The following RNF170 variants were observed in gnomAD, a reference collection of about 807,000 sequenced individuals.
RNF170 encodes the protein ring finger protein 170.
A neutral mutation model predicts 32.7 loss-of-function variants in RNF170; 12 were observed. That is an observed-to-expected ratio of 0.37 (90% CI 0.24 to 0.60). The LOEUF (loss-of-function observed/expected upper bound fraction) is 0.60. Ranked by LOEUF, RNF170 falls within the 20% of genes least tolerant of loss-of-function variation. The pLI is 0.72. For synonymous variants in RNF170, 91 were observed against 103.6 expected (o/e 0.88, Z 0.74); for missense variants, 212 against 311.2 (o/e 0.68, Z 2.40).
chr8:42,878,006 C>G (rs866154821), intron 2 of RNF170, among the ~76,000 whole-genome samples: 8 of 152,154 alleles, frequency 5.3e-5, no homozygotes, highest in Non-Finnish European at 4.4e-5. Flanking sequence ...CATGCACTTG[C>G]TTCATGTTTC....
intron 4 of RNF170, 110 bp downstream of exon 4, chr8:42,869,894 C>T: frequency 1.3e-6 from 1 of 766,218 alleles, no homozygotes; most frequent in Non-Finnish European, 2.3e-6. Flanking sequence ...ATCTACCCTA[C>T]TCACAAAATA....
chr8:42,863,220 A>G (rs1803789913), intron 5 of RNF170, among the ~76,000 whole-genome samples: 1 of 152,126 alleles, frequency 6.6e-6, no homozygotes, highest in Non-Finnish European at 1.5e-5. Flanking sequence ...CTATTATATT[A>G]AGACAACTTT....
At chr8:42,890,520 A>G (rs2128955875) in intron 1 of RNF170, among the ~76,000 whole-genome samples, 1 of 152,092 alleles carries the variant, frequency 6.6e-6, no homozygotes, top group East Asian at 1.9e-4. Flanking sequence ...CTCGTGATAC[A>G]CCCACTTCAG....
intron 2 of RNF170, 70 bp from the exon 3 acceptor site, chr8:42,874,076 T>C: frequency 1.1e-6 from 1 of 917,200 alleles, no homozygotes; most frequent in Non-Finnish European, 1.8e-6. Flanking sequence ...TTCATGGGTC[T>C]ACTTTCTGAC....
Position 42,853,371 on chromosome 8 carries a change from C to A in RNF170, c.*2788G>T, listed in dbSNP as rs1362633942. On this transcript the variant is annotated 3_prime_UTR_variant, in exon 7 of 7. Transcript: ENST00000527424. Reference sequence around the variant, plus strand: ...AAACTCTTTAATCACAAGGTTTGAACCAAACCACCAGTCTTCTACAACAAC... The same window carrying A: ...AAACTCTTTAATCACAAGGTTTGAAACAAACCACCAGTCTTCTACAACAAC... The A allele has an allele frequency of 7.8e-7, 1 of 1,276,088 alleles. No homozygotes were observed. Among genetic ancestry groups the A allele is most frequent in the Non-Finnish European group, 1.0e-6 (1 of 982,104 alleles). The allele number at this position is 1,276,088 out of a possible 1,614,324, so 79.0% of individuals were successfully genotyped here.
intron 2 of RNF170, among the ~76,000 whole-genome samples, chr8:42,887,417 C>T (rs1269778209): frequency 6.6e-6 from 1 of 152,186 alleles, no homozygotes; most frequent in Non-Finnish European, 1.5e-5. Context: ...CACTTATCAT[C>T]TATATCACCT....
At chr8:42,871,102 C>T (rs1273267142) in intron 3 of RNF170, among the ~76,000 whole-genome samples, 7 of 151,512 alleles carry the variant, frequency 4.6e-5, no homozygotes, top group African/African-American at 1.2e-4. Context: ...CCCAGCTACT[C>T]GGGAGGGTGA....
Position 42,873,999 on chromosome 8 carries a change from G to A in RNF170, c.145C>T (p.His49Tyr). 1.9e-6 allele frequency: 3 copies of A among 1,577,992 alleles called. No homozygotes were observed. Among genetic ancestry groups the A allele is most frequent in the Non-Finnish European group, 8.7e-7 (1 of 1,147,540 alleles). Reference sequence around the variant, plus strand: ...TGGTTTTCTGGGTGAATGTTTTGATGTACATTTCTGTTGAATAGAATATAA... The same window carrying A: ...TGGTTTTCTGGGTGAATGTTTTGATATACATTTCTGTTGAATAGAATATAA... ...TLVYALFRNV[H>Y]QNIHPENQEL... Residue 49 changes from histidine to tyrosine, a missense_variant, in exon 3 of 7, where the codon CAT becomes TAT. By Grantham distance (83) the His-to-Tyr change is moderately conservative. Around this residue, in one of 2 missense-constraint regions of RNF170, gnomAD observed 115 missense variants for 132.3 expected, o/e 0.87. Coordinates refer to ENST00000527424, the MANE Select transcript of RNF170 (RefSeq NM_030954.4).
At chr8:42,885,068 A>G (rs141300982) in intron 2 of RNF170, among the ~76,000 whole-genome samples, 137 of 151,204 alleles carry the variant, frequency 9.1e-4, no homozygotes, top group African/African-American at 3.2e-3. Context: ...CCATCGCCTG[A>G]GAGCCACCAT....
intron 2 of RNF170, among the ~76,000 whole-genome samples, chr8:42,884,390 C>CT (rs941988599): frequency 3.3e-5 from 5 of 151,426 alleles, no homozygotes; most frequent in African/African-American, 4.9e-5. Flanking sequence ...GGCTCTAATT[C>CT]TTTTTTTTTC....
intron 1 of RNF170, among the ~76,000 whole-genome samples, chr8:42,894,720 A>G (rs1182723924): frequency 6.6e-6 from 1 of 151,972 alleles, no homozygotes; most frequent in East Asian, 1.9e-4. Context: ...GCCCGCCACC[A>G]CGCCCGGCTA....
chr8:42,889,784 G>A (rs2128955212), intron 1 of RNF170, among the ~76,000 whole-genome samples: 1 of 152,306 alleles, frequency 6.6e-6, no homozygotes, highest in South Asian at 2.1e-4. Context: ...AGTTAAATGA[G>A]CTGCCAACTG....
intron 1 of RNF170, among the ~76,000 whole-genome samples, chr8:42,888,456 CT>C (rs1233258874): frequency 6.6e-6 from 1 of 151,348 alleles, no homozygotes; most frequent in South Asian, 2.1e-4. Flanking sequence ...AGCTTAACCC[CT>C]TTAAAAAAAA....
In RNF170 at chr8:42,863,770, C is replaced by T. The variant is rs189151481; in HGVS notation, c.396+1646G>A. On this transcript the variant is annotated intron_variant, in intron 5 of 6. Transcript: ENST00000527424. The stretch of plus-strand genomic sequence containing the variant: ...CTTCAATGTTGACTGCCTTGTGTCA[C>T]GCATCAAATCAGCCAGAGAGGCATA... 6.6e-5 allele frequency among the ~76,000 whole-genome samples: 10 copies of T among 152,254 alleles called. No individual in the cohort carries two copies. In the East Asian group the frequency reaches 1.2e-3, roughly 18 times the overall value.
chr8:42,864,810 A>C lies in RNF170; in HGVS notation c.396+606T>G, dbSNP rs200332394. ...TTGAGAAGGAAAAAAATTTTTTTTCAAAACAAGTATATATGCATATATAGA... is the reference window on the plus strand; with the variant it reads ...TTGAGAAGGAAAAAAATTTTTTTTCCAAACAAGTATATATGCATATATAGA... On this transcript the variant is annotated intron_variant, in intron 5 of 6. Coordinates refer to ENST00000527424, the MANE Select transcript of RNF170 (RefSeq NM_030954.4). Among the ~76,000 whole-genome samples the C allele has an allele frequency of 1.0e-2, 1,467 of 147,212 alleles. 12 individuals are homozygous for C. The highest frequency in any genetic ancestry group is 0.015 in the Non-Finnish European group (1,011 of 66,628).
chr8:42,871,888 C>CA (rs998089794), intron 3 of RNF170, among the ~76,000 whole-genome samples: 11 of 152,092 alleles, frequency 7.2e-5, no homozygotes, highest in Non-Finnish European at 4.4e-5. Context: ...AAGAAATTGA[C>CA]AAAAAACAAT....
At chr8:42,860,159 G>A (rs1803550886) in intron 6 of RNF170, among the ~76,000 whole-genome samples, 1 of 152,202 alleles carries the variant, frequency 6.6e-6, no homozygotes, top group South Asian at 2.1e-4. Flanking sequence ...AAATGGAAGC[G>A]AAGCAGTTGG....
intron 5 of RNF170, among the ~76,000 whole-genome samples, chr8:42,862,955 C>T (rs1451148027): frequency 6.6e-6 from 1 of 152,092 alleles, no homozygotes; most frequent in African/African-American, 2.4e-5. Flanking sequence ...GCTGTGAGAG[C>T]GAGGATCTCT....
At chr8:42,889,619 G>A (rs985046790) in intron 1 of RNF170, among the ~76,000 whole-genome samples, 2 of 151,978 alleles carry the variant, frequency 1.3e-5, no homozygotes, top group Admixed American at 6.6e-5. Context: ...AGAAACCTAC[G>A]CAAACAGATG....
Sources: allele counts gnomAD v4.1 joint callset (sites outside exome capture counted in the v4.1 genomes callset), GRCh38; gene constraint gnomAD v4.1.1; regional missense constraint gnomAD v4.1.1; transcripts MANE v1.5; gene names NCBI Gene and HGNC (gene_info 2026-07-23, HGNC 2026-07-21).